The following TENM3 variants were observed in gnomAD, a reference collection of about 807,000 sequenced individuals.
The protein encoded by TENM3 is teneurin transmembrane protein 3, also known as teneurin-3.
TENM3 carries 63 observed loss-of-function variants against 255.1 expected under a neutral mutation model. The observed-to-expected ratio is 0.25, with a 90% CI of 0.20 to 0.30. The LOEUF (loss-of-function observed/expected upper bound fraction) is 0.30, where lower values mean the gene tolerates loss of function less well. TENM3 is among the 10% of genes least tolerant of loss of function. The pLI is 1.00. For missense variants in TENM3, 2,929 were observed against 3,461.1 expected, an observed-to-expected ratio of 0.85 and a Z score of 3.86; for synonymous variants, 1,306 against 1,322.3, an observed-to-expected ratio of 0.99 and a Z score of 0.27.
chr4:181,684,573 T>C, the TENM3 span, among the ~76,000 whole-genome samples: 1 of 152,206 alleles, frequency 6.6e-6, no homozygotes, highest in Non-Finnish European at 1.5e-5. Flanking sequence ...AAATACACAC[T>C]GTGCATCAAG....
the TENM3 span, among the ~76,000 whole-genome samples, chr4:181,640,937 A>G: frequency 6.6e-6 from 1 of 152,228 alleles, no homozygotes; most frequent in Non-Finnish European, 1.5e-5. Context: ...AGCCCCATGT[A>G]GTATCAAGCT....
intron 1 of TENM3, among the ~76,000 whole-genome samples, chr4:182,295,258 T>TTG (rs1761404433): frequency 7.8e-6 from 1 of 128,734 alleles, no homozygotes; most frequent in African/African-American, 3.3e-5. Flanking sequence ...GTGCTTTGCT[T>TTG]TTCTTTTTTT....
chr4:182,567,860 CAG>C (rs1743953842), intron 3 of TENM3, among the ~76,000 whole-genome samples: 1 of 110,794 alleles, frequency 9.0e-6, no homozygotes, highest in Non-Finnish European at 2.0e-5. Context: ...AAAAAAAAAA[CAG>C]AAATAGGCTC....
At chr4:181,669,181 C>T in the TENM3 span, among the ~76,000 whole-genome samples, 12,761 of 152,116 alleles carry the variant, frequency 0.084, 1,463 homozygotes, top group African/African-American at 0.27. Context: ...TATTTGGTAA[C>T]AATAATAGTT....
At chr4:182,510,859 C>G (rs1737325375) in intron 3 of TENM3, among the ~76,000 whole-genome samples, 1 of 152,198 alleles carries the variant, frequency 6.6e-6, no homozygotes, top group Non-Finnish European at 1.5e-5. Context: ...TGAGCGCATC[C>G]TGCACACCCT....
intron 4 of TENM3, among the ~76,000 whole-genome samples, chr4:182,614,780 TTAACTC>T (rs931312942): frequency 3.3e-5 from 5 of 151,788 alleles, no homozygotes; most frequent in African/African-American, 9.7e-5. Flanking sequence ...CACTTTCTCT[TTAACTC>T]TAACAATGAG....
the TENM3 span, among the ~76,000 whole-genome samples, chr4:182,046,555 T>TAAA: frequency 7.2e-6 from 1 of 139,672 alleles, no homozygotes; most frequent in East Asian, 2.0e-4. Flanking sequence ...AACTAAATAA[T>TAAA]AATAATAATA....
chr4:182,435,118 A>G (rs565458715), intron 3 of TENM3, among the ~76,000 whole-genome samples: 1 of 152,282 alleles, frequency 6.6e-6, no homozygotes, highest in African/African-American at 2.4e-5. Context: ...CATTTAAGTA[A>G]CTGTCCGTTC....
chr4:181,775,163 G>A, the TENM3 span, among the ~76,000 whole-genome samples: 19 of 152,218 alleles, frequency 1.2e-4, no homozygotes, highest in African/African-American at 2.6e-4. Flanking sequence ...ATACAGGGCC[G>A]TGACTCTCCT....
At chr4:182,039,396 G>C in the TENM3 span, among the ~76,000 whole-genome samples, 1 of 152,062 alleles carries the variant, frequency 6.6e-6, no homozygotes, top group African/African-American at 2.4e-5. Context: ...CCCTTCATTG[G>C]GTTCATCTCT....
At chr4:181,813,518 G>T in the TENM3 span, among the ~76,000 whole-genome samples, 1 of 152,178 alleles carries the variant, frequency 6.6e-6, no homozygotes, top group African/African-American at 2.4e-5. Context: ...AATAAAGGTG[G>T]TTTGTATCTT....
chr4:181,587,111 T>C, the TENM3 span, among the ~76,000 whole-genome samples: 1 of 152,200 alleles, frequency 6.6e-6, no homozygotes, highest in African/African-American at 2.4e-5. Flanking sequence ...TTTTACCTAA[T>C]AAAATATGTC....
chr4:181,818,843 T>C, the TENM3 span, among the ~76,000 whole-genome samples: 1 of 152,128 alleles, frequency 6.6e-6, no homozygotes. Flanking sequence ...CCTCGGGTGA[T>C]CCACTCGCCT....
In TENM3 at chr4:182,704,108, T is replaced by A. The variant is rs181631583; in HGVS notation, c.2222-9979T>A. On this transcript the variant is annotated intron_variant, in intron 12 of 27. Coordinates refer to ENST00000511685, the MANE Select transcript of TENM3 (RefSeq NM_001080477.4). ...AGTACTAAAATATACCTTTTTTTTT[T>A]AATCTAGGAAATCCTAAAATGTGTT... Among the ~76,000 whole-genome samples, 8 of 152,302 alleles carry A rather than the reference T, an allele frequency of 5.3e-5. No homozygotes were observed. The East Asian group carries it at 7.7e-4, about 15-fold the overall frequency.
chr4:181,530,805 G>A, the TENM3 span, among the ~76,000 whole-genome samples: 1 of 152,182 alleles, frequency 6.6e-6, no homozygotes, highest in Non-Finnish European at 1.5e-5. Flanking sequence ...GTATGTGTGT[G>A]CGTGCATGTG....
chr4:181,675,530 G>A, the TENM3 span, among the ~76,000 whole-genome samples: 3 of 152,188 alleles, frequency 2.0e-5, no homozygotes, highest in East Asian at 5.8e-4. Flanking sequence ...TTGTACATGT[G>A]ACAGTATATT....
chr4:181,840,589 A>T, the TENM3 span, among the ~76,000 whole-genome samples: 1 of 152,136 alleles, frequency 6.6e-6, no homozygotes. Flanking sequence ...TTACTAGGGT[A>T]CGTTTCCAAC....
At position 182,457,831 on chromosome 4, in the gene TENM3, G is replaced by T. The variant is rs570040909; in HGVS notation, c.511+110902G>T. Among the ~76,000 whole-genome samples, 3 of 152,278 alleles carry T rather than the reference G, an allele frequency of 2.0e-5. No homozygotes were observed. In the Middle Eastern group the frequency reaches 0.01, roughly 518 times the overall value. On this transcript the variant is annotated intron_variant, in intron 3 of 27. Transcript: ENST00000511685. ...TCCTGCCTCGGCCTCCTAAGTGTTG[G>T]ATTACAGGCGCGAGCCACCACATCC... is the stretch of plus-strand genomic sequence containing the variant.
chr4:182,500,940 T>C (rs1311386265), intron 3 of TENM3, among the ~76,000 whole-genome samples: 1 of 152,108 alleles, frequency 6.6e-6, no homozygotes, highest in East Asian at 1.9e-4. Flanking sequence ...CATATTTGAG[T>C]GGAAAAAGTA....
Sources: allele counts gnomAD v4.1 joint callset (sites outside exome capture counted in the v4.1 genomes callset), GRCh38; gene constraint gnomAD v4.1.1; transcripts MANE v1.5; gene names NCBI Gene and HGNC (gene_info 2026-07-23, HGNC 2026-07-21).